The following MAF variants were observed in gnomAD, a reference collection of about 807,000 sequenced individuals.
MAF encodes the protein MAF bZIP transcription factor, also known as transcription factor Maf.
In MAF, 10 loss-of-function variants were observed where a neutral mutation model predicts 22.0. The observed-to-expected ratio is 0.45, with a 90% CI of 0.28 to 0.77. The LOEUF (loss-of-function observed/expected upper bound fraction) is 0.77. Ranked by LOEUF, MAF falls within the 30% of genes least tolerant of loss-of-function variation. The pLI, the probability that MAF is intolerant of heterozygous loss-of-function variation, is 0.12. For synonymous variants in MAF, 337 were observed against 255.8 expected, an observed-to-expected ratio of 1.32 and a Z score of -3.03; for missense variants, 544 against 548.4, an observed-to-expected ratio of 0.99 and a Z score of 0.08.
At chr16:79,372,440 A>T in the MAF span, among the ~76,000 whole-genome samples, 2 of 152,222 alleles carry the variant, frequency 1.3e-5, no homozygotes, top group Non-Finnish European at 2.9e-5. Flanking sequence ...GACCAGCTCG[A>T]CAAAAGGCCA....
At chr16:79,324,717 C>T in the MAF span, among the ~76,000 whole-genome samples, 2 of 152,056 alleles carry the variant, frequency 1.3e-5, no homozygotes, top group Non-Finnish European at 1.5e-5. Flanking sequence ...CAGACGGGCA[C>T]TCCTGGAAAG....
chr16:79,572,399 C>T, the MAF span, among the ~76,000 whole-genome samples: 12 of 152,174 alleles, frequency 7.9e-5, no homozygotes, highest in Non-Finnish European at 1.3e-4. Context: ...TGTGACAATG[C>T]AGATGATACA....
At chr16:79,405,060 C>T in the MAF span, among the ~76,000 whole-genome samples, 1 of 152,158 alleles carries the variant, frequency 6.6e-6, no homozygotes, top group Non-Finnish European at 1.5e-5. Flanking sequence ...CTCCAGTGTT[C>T]CTTCTTCAGC....
the MAF span, among the ~76,000 whole-genome samples, chr16:79,331,803 C>G: frequency 6.6e-6 from 1 of 152,194 alleles, no homozygotes; most frequent in Non-Finnish European, 1.5e-5. Context: ...AGAACCCACA[C>G]TCCTATCCCT....
the MAF span, among the ~76,000 whole-genome samples, chr16:79,574,177 C>T: frequency 1.3e-5 from 2 of 152,192 alleles, no homozygotes; most frequent in East Asian, 3.9e-4. Flanking sequence ...GGAGCAGGCC[C>T]ACTTTTGTGT....
the MAF span, among the ~76,000 whole-genome samples, chr16:79,409,878 G>T: frequency 6.6e-6 from 1 of 152,298 alleles, no homozygotes; most frequent in South Asian, 2.1e-4. Context: ...CTGAAGCCTT[G>T]AAGTTTGGCT....
chr16:79,393,218 GAACA>G, the MAF span, among the ~76,000 whole-genome samples: 3 of 152,182 alleles, frequency 2.0e-5, no homozygotes, highest in East Asian at 1.9e-4. Context: ...TTGCAGATGG[GAACA>G]AACAAAGGCT....
chr16:79,559,500 G>C, the MAF span, among the ~76,000 whole-genome samples: 1,992 of 152,210 alleles, frequency 0.013, 10 homozygotes, highest in South Asian at 0.047. Flanking sequence ...CTGTTTCTCT[G>C]CCTTCCGTTC....
At chr16:79,439,814 G>C in the MAF span, among the ~76,000 whole-genome samples, 2 of 152,216 alleles carry the variant, frequency 1.3e-5, no homozygotes, top group African/African-American at 4.8e-5. Flanking sequence ...GCAGTCACGG[G>C]ATGGAAACGA....
chr16:79,211,995 G>A, the MAF span: 2 of 1,536,062 alleles, frequency 1.3e-6, no homozygotes, highest in South Asian at 1.2e-5. Context: ...TCACTTTTCT[G>A]GGGCTGGGCT....
chr16:79,474,103 A>C, the MAF span, among the ~76,000 whole-genome samples: 1 of 152,164 alleles, frequency 6.6e-6, no homozygotes, highest in East Asian at 1.9e-4. Context: ...GGGGAGAGGA[A>C]GAAATGATGA....
chr16:79,581,282 A>G (rs1912500941), downstream of MAF, among the ~76,000 whole-genome samples: 1 of 152,202 alleles, frequency 6.6e-6, no homozygotes, highest in African/African-American at 2.4e-5. Context: ...CCTGTTCATC[A>G]GGAATGAACC....
the MAF span, among the ~76,000 whole-genome samples, chr16:79,288,439 A>T: frequency 6.6e-6 from 1 of 152,180 alleles, no homozygotes; most frequent in Admixed American, 6.5e-5. Context: ...ATGTGGACAG[A>T]GAGTGAGCTG....
the MAF span, among the ~76,000 whole-genome samples, chr16:79,542,442 G>A: frequency 6.6e-6 from 1 of 152,180 alleles, no homozygotes; most frequent in African/African-American, 2.4e-5. Flanking sequence ...CCAAGCAACA[G>A]GGGTCAGTGG....
At chr16:79,406,264 C>T in the MAF span, among the ~76,000 whole-genome samples, 2 of 152,336 alleles carry the variant, frequency 1.3e-5, no homozygotes, top group African/African-American at 4.8e-5. Flanking sequence ...CAGGCAGTAG[C>T]CAAACCAAGA....
chr16:79,516,953 C>G, the MAF span, among the ~76,000 whole-genome samples: 4 of 152,212 alleles, frequency 2.6e-5, no homozygotes, highest in African/African-American at 9.6e-5. Context: ...TTGAGAACCT[C>G]TGAACCAGAG....
chr16:79,591,585 G>C (rs1052648242), downstream of MAF, among the ~76,000 whole-genome samples: 1 of 152,200 alleles, frequency 6.6e-6, no homozygotes, highest in Non-Finnish European at 1.5e-5. Context: ...GTGCATTCCA[G>C]TCATAGTCGT....
the MAF span, among the ~76,000 whole-genome samples, chr16:79,349,516 C>G: frequency 6.6e-6 from 1 of 152,186 alleles, no homozygotes; most frequent in African/African-American, 2.4e-5. Flanking sequence ...ACAACCCATT[C>G]GGGTTTCACT....
chr16:79,235,772 T>C, the MAF span, among the ~76,000 whole-genome samples: 1 of 151,858 alleles, frequency 6.6e-6, no homozygotes. Context: ...AAAATAATGG[T>C]GAAAAATGCC....
Sources: allele counts gnomAD v4.1 joint callset (sites outside exome capture counted in the v4.1 genomes callset), GRCh38; gene constraint gnomAD v4.1.1; transcripts MANE v1.5; gene names NCBI Gene and HGNC (gene_info 2026-07-23, HGNC 2026-07-21).